Variants in SH3BGRL observed in about 807,000 individuals in gnomAD.
SH3BGRL encodes adapter SH3BGRL.
A neutral mutation model predicts 9.8 loss-of-function variants in SH3BGRL; 7 were observed. That is an observed-to-expected ratio of 0.72 (90% CI 0.41 to 1.35). SH3BGRL has a LOEUF of 1.35. Ranked by LOEUF, SH3BGRL falls within the 40% of genes most tolerant of loss-of-function variation. The probability of loss-of-function intolerance (pLI) is 0.01; values close to 1 mark genes in which losing one functional copy is unlikely to be tolerated. For missense variants in SH3BGRL, 73 were observed against 84.4 expected, an observed-to-expected ratio of 0.86 and a Z score of 0.53; for synonymous variants, 36 against 29.1, an observed-to-expected ratio of 1.24 and a Z score of -0.76.
At chrX:81,280,981 T>C (rs767090618) in intron 3 of SH3BGRL, among the ~76,000 whole-genome samples, 23 of 110,437 alleles carry the variant, frequency 2.1e-4, no homozygotes, top group Non-Finnish European at 4.2e-4. Flanking sequence ...AAAAAAACAA[T>C]AAAAAATTCA....
chrX:81,286,336 T>C (rs2075833769), intron 3 of SH3BGRL, among the ~76,000 whole-genome samples: 1 of 109,936 alleles, frequency 9.1e-6, no homozygotes, highest in Admixed American at 9.7e-5. Flanking sequence ...CCTCGTTAGC[T>C]TTAGTTGAAT....
chrX:81,273,335 T>C (rs906342641), intron 1 of SH3BGRL, among the ~76,000 whole-genome samples: 3 of 112,601 alleles, frequency 2.7e-5, no homozygotes, highest in African/African-American at 9.7e-5. Flanking sequence ...TGTATTGTTG[T>C]CTTAGCTTCT....
chrX:81,221,285 T>G (rs2075599378), intron 1 of SH3BGRL, among the ~76,000 whole-genome samples: 1 of 111,626 alleles, frequency 9.0e-6, no homozygotes, highest in Non-Finnish European at 1.9e-5. Context: ...GCCTTATATA[T>G]CTGGGTGCTC....
intron 3 of SH3BGRL, among the ~76,000 whole-genome samples, chrX:81,284,422 A>T (rs766218877): frequency 9.1e-6 from 1 of 110,405 alleles, no homozygotes; most frequent in South Asian, 3.8e-4. Context: ...AAAAAGTTAC[A>T]GGATTTAGGA....
At chrX:81,230,596 C>G (rs540603656) in intron 1 of SH3BGRL, among the ~76,000 whole-genome samples, 2 of 112,283 alleles carry the variant, frequency 1.8e-5, no homozygotes, top group East Asian at 2.8e-4. Flanking sequence ...ATTTGAGGAA[C>G]ACAGGTAATC....
intron 2 of SH3BGRL, 117 bp from the exon 3 acceptor site, chrX:81,278,214 C>T (rs1264982497): frequency 1.3e-5 from 6 of 472,524 alleles, no homozygotes; most frequent in Admixed American, 4.6e-5. Context: ...CCGCCCACCT[C>T]GGCCTCCCAA....
chrX:81,217,318 G>C (rs2075584371), intron 1 of SH3BGRL, among the ~76,000 whole-genome samples: 1 of 108,222 alleles, frequency 9.2e-6, no homozygotes. Flanking sequence ...GTTTGGGTTT[G>C]GATTTTGTTT....
intron 1 of SH3BGRL, among the ~76,000 whole-genome samples, chrX:81,202,912 T>A (rs772578479): frequency 9.0e-6 from 1 of 111,715 alleles, no homozygotes; most frequent in Non-Finnish European, 1.9e-5. Flanking sequence ...TGACTGTTTC[T>A]ATTCTTTCAA....
chrX:81,208,388 AAAAT>A, intron 1 of SH3BGRL, among the ~76,000 whole-genome samples: 1 of 112,787 alleles, frequency 8.9e-6, no homozygotes. Flanking sequence ...GCCTAGGGAA[AAAAT>A]AAATAAACCT....
chrX:81,230,285 T>C (rs2075629033), intron 1 of SH3BGRL, among the ~76,000 whole-genome samples: 1 of 112,224 alleles, frequency 8.9e-6, no homozygotes, highest in South Asian at 3.7e-4. Context: ...TAGCCCCTAC[T>C]TTCATTAATG....
chrX:81,270,147 C>G (rs1174176526), intron 1 of SH3BGRL, among the ~76,000 whole-genome samples: 1 of 110,815 alleles, frequency 9.0e-6, no homozygotes, highest in African/African-American at 3.3e-5. Context: ...TTTTATCCTC[C>G]TTGTGATGGG....
At position 81,288,672 on chromosome X, in the gene SH3BGRL, A is replaced by T. The variant is rs1249643681; in HGVS notation, c.313-8523A>T. Among the ~76,000 whole-genome samples, 6 of 111,992 alleles carry T rather than the reference A, an allele frequency of 5.4e-5. No individual in the cohort carries two copies. The Admixed American group carries it at 5.7e-4, about 11-fold the overall frequency. On this transcript the variant is annotated intron_variant, in intron 3 of 3. Transcript: ENST00000373212. ...TAATATGAAAAATAATATAAGAAGT[A>T]ATTCCATTTACAATAGCCACAAATA...
At chrX:81,219,671 G>T (rs186989182) in intron 1 of SH3BGRL, among the ~76,000 whole-genome samples, 4 of 111,492 alleles carry the variant, frequency 3.6e-5, no homozygotes, top group Non-Finnish European at 7.6e-5. Context: ...AATAACAGTG[G>T]TAAAAGTGGA....
chrX:81,280,582 A>G (rs780942058), intron 3 of SH3BGRL, among the ~76,000 whole-genome samples: 2 of 111,619 alleles, frequency 1.8e-5, no homozygotes, highest in Non-Finnish European at 3.8e-5. Flanking sequence ...CAATCACTGC[A>G]GTTTGGCTCA....
chrX:81,209,455 C>A (rs749298184), intron 1 of SH3BGRL, among the ~76,000 whole-genome samples: 17 of 111,401 alleles, frequency 1.5e-4, no homozygotes, highest in African/African-American at 4.9e-4. Context: ...CTATTAGATT[C>A]ATTTTACCTA....
chrX:81,246,180 ATTTG>A (rs1331583333), intron 1 of SH3BGRL, among the ~76,000 whole-genome samples: 1 of 111,682 alleles, frequency 9.0e-6, no homozygotes, highest in African/African-American at 3.3e-5. Flanking sequence ...TTGCTTGTTA[ATTTG>A]TTTAAGTTCC....
intron 1 of SH3BGRL, among the ~76,000 whole-genome samples, chrX:81,253,353 T>A (rs2075716523): frequency 9.0e-6 from 1 of 111,636 alleles, no homozygotes; most frequent in African/African-American, 3.3e-5. Flanking sequence ...TCTGTTTGTT[T>A]GTTTGTTTTT....
intron 1 of SH3BGRL, among the ~76,000 whole-genome samples, chrX:81,209,002 GTTT>G (rs11322797): frequency 2.7e-4 from 15 of 54,623 alleles, no homozygotes; most frequent in Non-Finnish European, 3.2e-4. Flanking sequence ...GCATAACTAA[GTTT>G]TTTTTTTTTT....
chrX:81,207,515 G>A, intron 1 of SH3BGRL, among the ~76,000 whole-genome samples: 1 of 112,023 alleles, frequency 8.9e-6, no homozygotes, highest in African/African-American at 3.2e-5. Context: ...TCATTATGTG[G>A]TTCTCAAATA....
Sources: gnomAD v4.1 joint callset for allele counts (sites outside exome capture counted in the v4.1 genomes callset) on GRCh38, gnomAD v4.1.1 for gene constraint, MANE v1.5 for transcripts, NCBI Gene and HGNC (gene_info 2026-07-23, HGNC 2026-07-21) for gene names.